CPLANE1: variants seen among roughly 807,000 people sequenced by gnomAD.
CPLANE1 encodes the protein ciliogenesis and planar polarity effector complex subunit 1, also known as ciliogenesis and planar polarity effector 1.
A neutral mutation model predicts 362.5 loss-of-function variants in CPLANE1; 263 were observed. The ratio of observed to expected loss-of-function variants is 0.73; its 90% CI spans 0.66 to 0.80. The LOEUF (loss-of-function observed/expected upper bound fraction) is 0.80. CPLANE1 is among the 30% of genes least tolerant of loss of function. The probability of loss-of-function intolerance (pLI) is 0.00; values close to 1 mark genes in which losing one functional copy is unlikely to be tolerated. For synonymous variants in CPLANE1, 1,212 were observed against 1,302.6 expected, an observed-to-expected ratio of 0.93 and a Z score of 1.50; for missense variants, 3,461 against 3,793.4, an observed-to-expected ratio of 0.91 and a Z score of 2.30.
the CPLANE1 span, among the ~76,000 whole-genome samples, chr5:37,086,588 T>C: frequency 6.6e-6 from 1 of 152,212 alleles, no homozygotes; most frequent in African/African-American, 2.4e-5. Flanking sequence ...GTTCTAAAAC[T>C]AACCTTTGAT....
intron 8 of CPLANE1, among the ~76,000 whole-genome samples, chr5:37,234,882 T>G (rs1798598407): frequency 1.3e-5 from 2 of 152,324 alleles, no homozygotes; most frequent in African/African-American, 4.8e-5. Flanking sequence ...CATAATAGTC[T>G]TAATAGACGT....
chr5:37,135,183 T>G (rs301862), intron 46 of CPLANE1, among the ~76,000 whole-genome samples: 25,990 of 152,106 alleles, frequency 0.17, 2,840 homozygotes, highest in African/African-American at 0.31. Context: ...ATAATTTTCT[T>G]ATTTTTGCCT....
chr5:37,218,906 C>T (rs927209383), intron 15 of CPLANE1, among the ~76,000 whole-genome samples: 1 of 151,430 alleles, frequency 6.6e-6, no homozygotes, highest in Non-Finnish European at 1.5e-5. Flanking sequence ...TGAGATAGTG[C>T]CATTGCACAC....
intron 37 of CPLANE1, among the ~76,000 whole-genome samples, chr5:37,163,019 T>C (rs1332476114): frequency 6.6e-6 from 1 of 152,200 alleles, no homozygotes; most frequent in Non-Finnish European, 1.5e-5. Context: ...GTAAGTTGAA[T>C]CTCAAAGACA....
At chr5:37,157,232 T>C in intron 41 of CPLANE1, 81 bp downstream of exon 41, 1 of 768,588 alleles carries the variant, frequency 1.3e-6, no homozygotes, top group Non-Finnish European at 1.9e-6. Context: ...TGGTTTCTTT[T>C]GCAATTACCA....
At position 37,186,461 on chromosome 5, in the gene CPLANE1, ATATTT is replaced by A. The variant is rs893108852; in HGVS notation, c.4081-72_4081-68del. On this transcript the variant is annotated intron_variant, in intron 23 of 52. Transcript: ENST00000651892. ...TCTTTTTTTTTCTTCCATTCCACAA[ATATTT>A]TATTTTAACTCAAAATATAAATGCA... is the stretch of plus-strand genomic sequence containing the variant. 2.0e-5 allele frequency: 15 copies of A among 767,262 alleles called. No homozygotes were observed. In the African/African-American group the frequency reaches 2.1e-4, roughly 11 times the overall value. 47.5% of individuals were successfully genotyped at this position (767,262 alleles called of 1,614,324 possible).
At chr5:37,215,836 C>CT in intron 15 of CPLANE1, among the ~76,000 whole-genome samples, 1 of 81,444 alleles carries the variant, frequency 1.2e-5, no homozygotes, top group South Asian at 4.0e-4. Flanking sequence ...TTCTTTTTTT[C>CT]TTTTTTGTTT....
chr5:37,162,014 A>G (rs1328472106), intron 38 of CPLANE1, among the ~76,000 whole-genome samples: 1 of 152,220 alleles, frequency 6.6e-6, no homozygotes, highest in Non-Finnish European at 1.5e-5. Flanking sequence ...AATATTAAAG[A>G]GGAAATTTGT....
Position 37,213,693 on chromosome 5 carries a change from C to T in CPLANE1, c.2786G>A (p.Gly929Asp), listed in dbSNP as rs1277317146. 2.6e-6 allele frequency: 4 copies of T among 1,532,280 alleles called. No homozygotes were observed. Among genetic ancestry groups the T allele is most frequent in the African/African-American group, 2.7e-5 (2 of 72,728 alleles). 94.9% of individuals were successfully genotyped at this position (1,532,280 alleles called of 1,614,324 possible). The change falls in exon 16 of 53, where the codon GGT (glycine) becomes GAT (aspartate). Residue 929 changes from glycine (G) to aspartate (D), a missense_variant. Physicochemically the swap from Gly to Asp is moderately conservative, Grantham distance 94. Around this residue, in one of 2 missense-constraint regions of CPLANE1, gnomAD observed 3,380 missense variants for 3,666.1 expected, o/e 0.92. Coordinates refer to ENST00000651892, the MANE Select transcript of CPLANE1 (RefSeq NM_001384732.1). Reference protein sequence around the residue: ...KSHFECGMVGGVHPEAAVRVV... With the variant: ...KSHFECGMVGDVHPEAAVRVV... ...TCTCACTGCTGCCTCAGGATGAACA[C>T]CGCCCACCATTCCACACTCAAAATG...
At position 37,226,909 on chromosome 5, in the gene CPLANE1, T is replaced by C. The variant is rs1395029666; in HGVS notation, c.1686A>G (p.Thr562=). The C allele has an allele frequency of 1.9e-6, 3 of 1,551,892 alleles. No individual in the cohort carries two copies. The highest frequency in any genetic ancestry group is 2.4e-5 in the South Asian group (2 of 84,054). ...AATGCAGTTCTGTAATGGTTCTATC[T>C]GTCTCCTCACTATCATCCTTTGCAT... ...TIHAKDDSEE[T]DRTITELHSI... The change falls in exon 12 of 53, where the codon ACA becomes ACG. Residue 562 remains threonine, a synonymous_variant. Coordinates refer to ENST00000651892, the MANE Select transcript of CPLANE1 (RefSeq NM_001384732.1).
At chr5:37,139,058 G>A (rs1254996923) in intron 45 of CPLANE1, among the ~76,000 whole-genome samples, 2 of 151,884 alleles carry the variant, frequency 1.3e-5, no homozygotes, top group Non-Finnish European at 2.9e-5. Context: ...GGAAACATAT[G>A]GTCCAGAAGA....
At chr5:37,197,004 A>G (rs1371521068) in intron 20 of CPLANE1, among the ~76,000 whole-genome samples, 4 of 152,038 alleles carry the variant, frequency 2.6e-5, no homozygotes, top group Admixed American at 6.5e-5. Flanking sequence ...GCACAGATTA[A>G]TGACCGGGTT....
At chr5:37,164,470 T>A in intron 36 of CPLANE1, 143 bp from the exon 37 acceptor site, 1 of 609,530 alleles carries the variant, frequency 1.6e-6, no homozygotes, top group East Asian at 2.8e-5. Context: ...TCTATCAAAT[T>A]ATTTACTCTA....
chr5:37,100,728 G>T, the CPLANE1 span, among the ~76,000 whole-genome samples: 1 of 152,154 alleles, frequency 6.6e-6, no homozygotes, highest in Non-Finnish European at 1.5e-5. Flanking sequence ...CCATGATATT[G>T]ATTCCTCCTA....
chr5:37,177,605 CTTTT>C lies in CPLANE1; in HGVS notation c.5900+12_5900+15del. 6.3e-7 allele frequency: 1 copy of C among 1,599,626 alleles called. No homozygotes were observed. The highest frequency in any genetic ancestry group is 8.6e-7 in the Non-Finnish European group (1 of 1,168,486). ...GTAACCAGTGACAATCACTGTCATA[CTTTT>C]TTCCCCCTTACCCTTTTTGTTCAGT... On this transcript the variant is annotated intron_variant, in intron 30 of 52. Transcript: ENST00000651892.
chr5:37,203,554 C>T (rs191147526), intron 18 of CPLANE1, among the ~76,000 whole-genome samples: 366 of 152,296 alleles, frequency 2.4e-3, no homozygotes, highest in Middle Eastern at 0.01. Context: ...CACTCTGTCA[C>T]CCAGGCTGGA....
At chr5:37,078,048 A>G in the CPLANE1 span, among the ~76,000 whole-genome samples, 1 of 152,086 alleles carries the variant, frequency 6.6e-6, no homozygotes, top group African/African-American at 2.4e-5. Flanking sequence ...CTAAAAAACA[A>G]TTTTTTATCT....
intron 43 of CPLANE1, among the ~76,000 whole-genome samples, chr5:37,147,088 G>A (rs1227396552): frequency 6.6e-6 from 1 of 152,064 alleles, no homozygotes; most frequent in Admixed American, 6.5e-5. Flanking sequence ...TCTAAGAAAT[G>A]AACGGATCAA....
Position 37,198,740 on chromosome 5 carries a change from T to G in CPLANE1, c.3634A>C (p.Ile1212Leu). 1 of 1,614,146 alleles carries G rather than the reference T, an allele frequency of 6.2e-7. No individual in the cohort carries two copies. The highest frequency in any genetic ancestry group is 8.5e-7 in the Non-Finnish European group (1 of 1,180,028). Reference protein sequence around the residue: ...QCSFPVAQWYILQLRWARKVM... With the variant: ...QCSFPVAQWYLLQLRWARKVM... ...TTTCTTGCCCACCTCAACTGCAATA[T>G]ATACCACTGTGCTACAGGAAAAGAA... The change falls in exon 20 of 53, where the codon ATA becomes CTA. Residue 1212 changes from isoleucine to leucine, a missense_variant. Physicochemically the swap from Ile to Leu is conservative, Grantham distance 5. Around this residue, in one of 2 missense-constraint regions of CPLANE1, gnomAD observed 3,380 missense variants for 3,666.1 expected, o/e 0.92. Transcript: ENST00000651892.
Sources: allele counts gnomAD v4.1 joint callset (sites outside exome capture counted in the v4.1 genomes callset), GRCh38; gene constraint gnomAD v4.1.1; regional missense constraint gnomAD v4.1.1; transcripts MANE v1.5; gene names NCBI Gene and HGNC (gene_info 2026-07-23, HGNC 2026-07-21).